Variants in MTPN observed in about 807,000 individuals in gnomAD.
The protein encoded by MTPN is myotrophin.
MTPN carries 2 observed loss-of-function variants against 13.5 expected under a neutral mutation model. The ratio of observed to expected loss-of-function variants is 0.15; its 90% CI spans 0.06 to 0.47. MTPN has a LOEUF of 0.47. Among genes scored for constraint, MTPN ranks in the 20% least tolerant of loss-of-function variants. The pLI is 0.97. For missense variants in MTPN, 79 were observed against 137.9 expected, an observed-to-expected ratio of 0.57 and a Z score of 2.14; for synonymous variants, 46 against 51.7, an observed-to-expected ratio of 0.89 and a Z score of 0.48.
chr7:135,929,442 C>T lies in MTPN; in HGVS notation c.*484G>A. The T allele has an allele frequency of 5.9e-6, 1 of 170,498 alleles. No homozygotes were observed. The allele number at this position is 170,498 out of a possible 1,614,324, so 10.6% of individuals were successfully genotyped here. A position where few individuals can be genotyped will look rare whatever the true frequency, so the allele number is the denominator to read the frequency against. The stretch of plus-strand genomic sequence containing the variant: ...GCGCTCTTAACTATGCCAGGAAATC[C>T]CCAGTAGAGTGCATTCTTAAGGCAG... On this transcript the variant is annotated 3_prime_UTR_variant, in exon 4 of 4. Transcript: ENST00000393085.
Position 135,950,673 on chromosome 7 carries a change from T to C in MTPN, c.196A>G (p.Lys66Glu). The part of the protein sequence containing the change: ...LKGADINAPD[K>E]HHITPLLSAV... ...GACAGAAGAGGAGTAATATGATGTT[T>C]ATCTGGAGCCTATGAAATAATAAAC... Residue 66 changes from lysine (K) to glutamate (E), a missense_variant, in exon 3 of 4, where the codon AAA (lysine) becomes GAA (glutamate). Lys to Glu is a moderately conservative substitution (Grantham distance 56). Coordinates refer to ENST00000393085, the MANE Select transcript of MTPN (RefSeq NM_145808.4). 1 of 1,607,826 alleles carries C rather than the reference T, an allele frequency of 6.2e-7. No individual in the cohort carries two copies. The highest frequency in any genetic ancestry group is 8.5e-7 in the Non-Finnish European group (1 of 1,175,462).
At chr7:135,950,474 C>T (rs1799349690) in intron 3 of MTPN, 125 bp downstream of exon 3, 2 of 788,686 alleles carry the variant, frequency 2.5e-6, no homozygotes, top group Admixed American at 4.6e-5. Flanking sequence ...CACTACACTT[C>T]AATTTTGTAT....
intron 3 of MTPN, among the ~76,000 whole-genome samples, chr7:135,936,990 A>C (rs1219090127): frequency 6.6e-6 from 1 of 152,230 alleles, no homozygotes; most frequent in East Asian, 1.9e-4. Flanking sequence ...AATAATTTAC[A>C]ATCTAGCTGG....
At chr7:135,946,807 A>C (rs1408989440) in intron 3 of MTPN, among the ~76,000 whole-genome samples, 1 of 152,208 alleles carries the variant, frequency 6.6e-6, no homozygotes, top group Admixed American at 6.5e-5. Context: ...TGCTTTGATA[A>C]AAACAGGCAT....
At chr7:135,934,755 T>C (rs144341490) in intron 3 of MTPN, among the ~76,000 whole-genome samples, 26 of 152,316 alleles carry the variant, frequency 1.7e-4, no homozygotes, top group African/African-American at 6.3e-4. Context: ...GTCCTAACTC[T>C]CAAGACAGTA....
rs1798986353 is a variant in MTPN at position 135,929,780 on chromosome 7, C to T, written c.*146G>A. Reference sequence around the variant, plus strand: ...AAAACAATTTTTTTTTTCTGGTAGTCGGATTTGTTATGAATTTCTCTCTCC... The same window carrying T: ...AAAACAATTTTTTTTTTCTGGTAGTTGGATTTGTTATGAATTTCTCTCTCC... On this transcript the variant is annotated 3_prime_UTR_variant, in exon 4 of 4. Coordinates refer to ENST00000393085, the MANE Select transcript of MTPN (RefSeq NM_145808.4). The T allele has an allele frequency of 2.9e-5, 22 of 764,576 alleles. 1 individual carries two copies. Among genetic ancestry groups the T allele is most frequent in the South Asian group, 2.7e-4 (15 of 55,370 alleles). 47.4% of individuals were successfully genotyped at this position (764,576 alleles called of 1,614,324 possible). A position where few individuals can be genotyped will look rare whatever the true frequency, so the allele number is the denominator to read the frequency against.
chr7:135,950,690 A>G lies in MTPN; in HGVS notation c.187-8T>C. On this transcript the variant is annotated splice_region_variant and splice_polypyrimidine_tract_variant and intron_variant, in intron 2 of 3. Transcript: ENST00000393085. Reference sequence around the variant, plus strand: ...ATGATGTTTATCTGGAGCCTATGAAATAATAAACAGAGATAACTTTATCTG... The same window carrying G: ...ATGATGTTTATCTGGAGCCTATGAAGTAATAAACAGAGATAACTTTATCTG... 6.3e-7 allele frequency: 1 copy of G among 1,584,614 alleles called. No homozygotes were observed. Among genetic ancestry groups the G allele is most frequent in the Non-Finnish European group, 8.6e-7 (1 of 1,156,266 alleles).
At chr7:135,954,049 T>C (rs1260080294) in intron 1 of MTPN, among the ~76,000 whole-genome samples, 1 of 152,202 alleles carries the variant, frequency 6.6e-6, no homozygotes, top group African/African-American at 2.4e-5. Flanking sequence ...GCACTCCAAC[T>C]CTACCACTTA....
chr7:135,927,760 A>G lies in MTPN; in HGVS notation c.*2166T>C, dbSNP rs1019696470. Reference sequence around the variant, plus strand: ...TTATAGGGTTTACAAAAAGGTCGAGAAAGAAAAGCGAAGGCGAAATAGCCT... The same window carrying G: ...TTATAGGGTTTACAAAAAGGTCGAGGAAGAAAAGCGAAGGCGAAATAGCCT... On this transcript the variant is annotated 3_prime_UTR_variant, in exon 4 of 4. Transcript: ENST00000393085. The G allele has an allele frequency of 1.1e-5, 5 of 468,560 alleles. No homozygotes were observed. Among genetic ancestry groups the G allele is most frequent in the African/African-American group, 6.0e-5 (3 of 49,696 alleles). The allele number at this position is 468,560 out of a possible 1,614,324, so 29.0% of individuals were successfully genotyped here. A position where few individuals can be genotyped will look rare whatever the true frequency, so the allele number is the denominator to read the frequency against.
rs551634536 is a variant in MTPN, at chr7:135,977,175, G to A, written c.-75C>T. 8 of 1,480,630 alleles carry A rather than the reference G, an allele frequency of 5.4e-6. No homozygotes were observed. The African/African-American group carries it at 1.1e-4, about 20-fold the overall frequency. 91.7% of individuals were successfully genotyped at this position (1,480,630 alleles called of 1,614,324 possible). A position where few individuals can be genotyped will look rare whatever the true frequency, so the allele number is the denominator to read the frequency against. ...GGCAGCAGCAAGCGGATGCCGCCGG[G>A]CGAGAGGGAGGCAGGGCCGCGCGAA... On this transcript the variant is annotated 5_prime_UTR_variant, in exon 1 of 4. Transcript: ENST00000393085.
chr7:135,933,206 T>C (rs1291838559), intron 3 of MTPN, among the ~76,000 whole-genome samples: 1 of 152,158 alleles, frequency 6.6e-6, no homozygotes, highest in Non-Finnish European at 1.5e-5. Context: ...TTAATTGTTT[T>C]TAATTATTTG....
chr7:135,951,000 G>A (rs1023586157), intron 2 of MTPN, among the ~76,000 whole-genome samples: 3 of 152,128 alleles, frequency 2.0e-5, no homozygotes, highest in African/African-American at 7.2e-5. Flanking sequence ...CTGTAGAAAT[G>A]CCAGTGTGGT....
chr7:135,976,927 T>TGCCCC, intron 1 of MTPN, 102 bp downstream of exon 1: 1 of 410,736 alleles, frequency 2.4e-6, no homozygotes, highest in Non-Finnish European at 5.1e-6. Flanking sequence ...AAGTCTCTCC[T>TGCCCC]CCCGCCCACC....
chr7:135,973,019 C>T (rs1232428948), intron 1 of MTPN, among the ~76,000 whole-genome samples: 1 of 150,484 alleles, frequency 6.6e-6, no homozygotes, highest in Non-Finnish European at 1.5e-5. Flanking sequence ...AAAAGCAAGC[C>T]CAGATAATAG....
chr7:135,957,180 A>T (rs1445897794), intron 1 of MTPN, among the ~76,000 whole-genome samples: 1 of 152,212 alleles, frequency 6.6e-6, no homozygotes. Context: ...TAATCTAAAT[A>T]ACATATATAA....
chr7:135,966,427 G>A (rs1037057284), intron 1 of MTPN, among the ~76,000 whole-genome samples: 1 of 152,000 alleles, frequency 6.6e-6, no homozygotes, highest in Non-Finnish European at 1.5e-5. Context: ...GTACCATCAT[G>A]CATATCCCTA....
intron 3 of MTPN, among the ~76,000 whole-genome samples, chr7:135,947,354 C>T (rs1435766076): frequency 1.3e-5 from 2 of 152,068 alleles, no homozygotes; most frequent in African/African-American, 4.8e-5. Context: ...TTTGGCCCTA[C>T]CCTGCTTGTT....
intron 3 of MTPN, among the ~76,000 whole-genome samples, chr7:135,933,605 G>C (rs551550140): frequency 6.6e-6 from 1 of 151,978 alleles, no homozygotes; most frequent in East Asian, 1.9e-4. Flanking sequence ...TACTGCTCTT[G>C]GTGGCACCTA....
At chr7:135,965,348 T>C (rs1041556040) in intron 1 of MTPN, among the ~76,000 whole-genome samples, 1 of 152,060 alleles carries the variant, frequency 6.6e-6, no homozygotes, top group Non-Finnish European at 1.5e-5. Context: ...GGTTAGTAAG[T>C]AGACAGGGCT....
Sources: allele counts gnomAD v4.1 joint callset (sites outside exome capture counted in the v4.1 genomes callset), GRCh38; gene constraint gnomAD v4.1.1; transcripts MANE v1.5; gene names NCBI Gene and HGNC (gene_info 2026-07-23, HGNC 2026-07-21).